Variants in SF3B3 observed in about 807,000 individuals in gnomAD.
The protein encoded by SF3B3 is SAP 130.
A neutral mutation model predicts 139.2 loss-of-function variants in SF3B3; 33 were observed. That is an observed-to-expected ratio of 0.24 (90% CI 0.18 to 0.32). The LOEUF (loss-of-function observed/expected upper bound fraction) is 0.32. Among genes scored for constraint, SF3B3 ranks in the 10% least tolerant of loss-of-function variants. The pLI is 1.00. For missense variants in SF3B3, 818 were observed against 1,509.4 expected (o/e 0.54, Z 7.59); for synonymous variants, 596 against 563.6 (o/e 1.06, Z -0.81).
intron 6 of SF3B3, among the ~76,000 whole-genome samples, chr16:70,536,168 T>A (rs187977908): frequency 2.7e-5 from 4 of 150,648 alleles, no homozygotes; most frequent in Non-Finnish European, 2.9e-5. Flanking sequence ...CCCTCTCACC[T>A]TTTTTTCTTT....
At position 70,577,329 on chromosome 16, in the gene SF3B3, C is replaced by G. The variant is rs8062178; in HGVS notation, c.*5516C>G. The G allele has an allele frequency of 0.47, 72,040 of 152,102 alleles. 17,599 individuals are homozygous for G. Among genetic ancestry groups the G allele is most frequent in the South Asian group, 0.66 (3,158 of 4,820 alleles). The allele number at this position is 152,102 out of a possible 1,614,324, so 9.4% of individuals were successfully genotyped here. A position where few individuals can be genotyped will look rare whatever the true frequency, so the allele number is the denominator to read the frequency against. ...AAGAGGCCCCAGAGAGGGCACCGTG[C>G]GGTGTTCAGGCTTCTGTGAGGCCCC... On this transcript the variant is annotated 3_prime_UTR_variant, in exon 26 of 26. Coordinates refer to ENST00000302516, the MANE Select transcript of SF3B3 (RefSeq NM_012426.5).
At chr16:70,553,406 G>T (rs546321507) in intron 11 of SF3B3, among the ~76,000 whole-genome samples, 3 of 152,164 alleles carry the variant, frequency 2.0e-5, no homozygotes, top group Non-Finnish European at 4.4e-5. Context: ...TTAGGCAGAC[G>T]GGTCCTATAG....
chr16:70,544,211 C>T (rs984409640), intron 9 of SF3B3, among the ~76,000 whole-genome samples: 7 of 152,050 alleles, frequency 4.6e-5, no homozygotes, highest in Non-Finnish European at 1.0e-4. Context: ...CTCACATGTG[C>T]GTCTGTGTTA....
chr16:70,536,638 C>T (rs570553370), intron 6 of SF3B3, among the ~76,000 whole-genome samples: 3 of 151,842 alleles, frequency 2.0e-5, no homozygotes, highest in South Asian at 2.1e-4. Flanking sequence ...GGATTACAGG[C>T]GTGAGCCACC....
intron 4 of SF3B3, among the ~76,000 whole-genome samples, chr16:70,531,444 T>G (rs1047901768): frequency 6.6e-6 from 1 of 152,048 alleles, no homozygotes; most frequent in African/African-American, 2.4e-5. Flanking sequence ...GCCCAGCTAA[T>G]TTTTGTATTT....
chr16:70,563,713 C>T, intron 17 of SF3B3, 163 bp from the exon 18 acceptor site: 4 of 613,750 alleles, frequency 6.5e-6, no homozygotes, highest in Middle Eastern at 4.4e-4. Context: ...TCTGTGTCTG[C>T]ATCGCAGAGT....
rs564896180 is a variant in SF3B3 at position 70,523,820 on chromosome 16, C to T, written c.-179C>T. 3.0e-5 allele frequency: 17 copies of T among 574,422 alleles called. No homozygotes were observed. The Admixed American group carries it at 4.6e-4, about 16-fold the overall frequency. The allele number at this position is 574,422 out of a possible 1,614,324, so 35.6% of individuals were successfully genotyped here. On this transcript the variant is annotated 5_prime_UTR_variant, in exon 1 of 26. Coordinates refer to ENST00000302516, the MANE Select transcript of SF3B3 (RefSeq NM_012426.5). ...TCCGCCGCGCGCCACCAGAATGTCC[C>T]TGTCTTGAGGTCTAATGGCGGACGC... is the stretch of plus-strand genomic sequence containing the variant.
intron 5 of SF3B3, among the ~76,000 whole-genome samples, chr16:70,533,746 A>G (rs1260272310): frequency 1.3e-5 from 2 of 152,218 alleles, no homozygotes; most frequent in African/African-American, 2.4e-5. Context: ...ACTGATGTCT[A>G]AAATAAGATG....
chr16:70,524,152 C>A, intron 1 of SF3B3: 1 of 321,220 alleles, frequency 3.1e-6, no homozygotes, highest in Non-Finnish European at 5.6e-6. Flanking sequence ...AAATAGGGCT[C>A]GTGGAGATTG....
At position 70,532,770 on chromosome 16, in the gene SF3B3, T is replaced by C. The variant is rs139930098; in HGVS notation, c.712+150T>C. 2.3e-3 allele frequency: 1,733 copies of C among 749,238 alleles called. 2 individuals carry two copies. Among genetic ancestry groups the C allele is most frequent in the Non-Finnish European group, 3.3e-3 (1,514 of 459,104 alleles). 46.4% of individuals were successfully genotyped at this position (749,238 alleles called of 1,614,324 possible). On this transcript the variant is annotated intron_variant, in intron 5 of 25. Transcript: ENST00000302516. ...TTGGACAGGTTAGAAGTTCATGTGG[T>C]GGAGTGATTTTAAAAAGTGTTGGGG... is the stretch of plus-strand genomic sequence containing the variant.
chr16:70,526,810 C>T (rs1179329069), intron 2 of SF3B3, 84 bp downstream of exon 2: 2 of 951,932 alleles, frequency 2.1e-6, no homozygotes, highest in East Asian at 2.5e-5. Context: ...AAATGTTTTC[C>T]ATTTATGACA....
At chr16:70,526,751 T>A in intron 2 of SF3B3, 25 bp downstream of exon 2, 1 of 1,553,232 alleles carries the variant, frequency 6.4e-7, no homozygotes, top group Non-Finnish European at 8.9e-7. Context: ...TACCATCTTT[T>A]GAAATTTTAA....
At chr16:70,534,543 T>C (rs1303200174) in intron 5 of SF3B3, among the ~76,000 whole-genome samples, 4 of 152,184 alleles carry the variant, frequency 2.6e-5, no homozygotes, top group Non-Finnish European at 1.5e-5. Flanking sequence ...AGGATTATAC[T>C]CAGGTGTCTG....
intron 8 of SF3B3, among the ~76,000 whole-genome samples, chr16:70,540,008 T>C (rs1292708481): frequency 6.7e-6 from 1 of 150,264 alleles, no homozygotes; most frequent in East Asian, 2.0e-4. Context: ...ACTTCCGACC[T>C]CAGGTGATCG....
intron 4 of SF3B3, among the ~76,000 whole-genome samples, 161 bp downstream of exon 4, chr16:70,531,078 A>G (rs1332272859): frequency 1.3e-5 from 2 of 151,958 alleles, no homozygotes; most frequent in Admixed American, 1.3e-4. Flanking sequence ...CATTCTGGCT[A>G]ACACAGTGAA....
rs765637821 is a variant in SF3B3 at position 70,570,044 on chromosome 16, G to A, written c.3303G>A (p.Val1101=). Reference sequence around the variant, plus strand: ...TGAACTACCATGTCGGGGAGACGGTGCTGTCCTTGCAGAAGACCACGCTGA... The same window carrying A: ...TGAACTACCATGTCGGGGAGACGGTACTGTCCTTGCAGAAGACCACGCTGA... ...VIMNYHVGET[V]LSLQKTTLIP... The change falls in exon 24 of 26, where the codon GTG becomes GTA. Residue 1101 remains valine, a synonymous_variant. Coordinates refer to ENST00000302516, the MANE Select transcript of SF3B3 (RefSeq NM_012426.5). 3.1e-6 allele frequency: 5 copies of A among 1,614,008 alleles called. No homozygotes were observed. The highest frequency in any genetic ancestry group is 1.6e-4 in the Middle Eastern group (1 of 6,084).
In SF3B3 at chr16:70,567,449, C is replaced by G. The variant is rs1227792804; in HGVS notation, c.2865C>G (p.Phe955Leu). Residue 955 changes from phenylalanine (F) to leucine (L), a missense_variant, in exon 21 of 26, where the codon TTC becomes TTG. By Grantham distance (22) the Phe-to-Leu change is conservative. Coordinates refer to ENST00000302516, the MANE Select transcript of SF3B3 (RefSeq NM_012426.5). ...VEEVPAAIAP[F>L]QGRVLIGVGK... is the part of the protein sequence containing the mutation. ...AGGTCCCTGCTGCTATTGCCCCATTCCAGGGGAGGGTGTTGATTGGTGTGG... is the reference window on the plus strand; with the variant it reads ...AGGTCCCTGCTGCTATTGCCCCATTGCAGGGGAGGGTGTTGATTGGTGTGG... The G allele has an allele frequency of 6.2e-7, 1 of 1,613,984 alleles. No individual in the cohort carries two copies. The highest frequency in any genetic ancestry group is 1.1e-5 in the South Asian group (1 of 91,062).
chr16:70,542,254 T>TTCATATACTCCACAGTA (rs1253811120), intron 9 of SF3B3, among the ~76,000 whole-genome samples: 1 of 152,252 alleles, frequency 6.6e-6, no homozygotes, highest in African/African-American at 2.4e-5. Flanking sequence ...AATAAGTGGA[T>TTCATATACTCCACAGTA]TCATATACTC....
chr16:70,545,950 A>G (rs1194379890), intron 10 of SF3B3, among the ~76,000 whole-genome samples: 1 of 152,170 alleles, frequency 6.6e-6, no homozygotes, highest in Non-Finnish European at 1.5e-5. Context: ...CTCAGACCCA[A>G]TTTAGAGCCA....
Sources: gnomAD v4.1 joint callset for allele counts (sites outside exome capture counted in the v4.1 genomes callset) on GRCh38, gnomAD v4.1.1 for gene constraint, MANE v1.5 for transcripts, NCBI Gene and HGNC (gene_info 2026-07-23, HGNC 2026-07-21) for gene names.